RALY: variants seen among roughly 807,000 people sequenced by gnomAD.
RALY encodes the protein RALY heterogeneous nuclear ribonucleoprotein, also known as RNA-binding protein Raly.
In RALY, 15 loss-of-function variants were observed where a neutral mutation model predicts 30.7. The ratio of observed to expected loss-of-function variants is 0.49; its 90% CI spans 0.33 to 0.75. The LOEUF (loss-of-function observed/expected upper bound fraction) is 0.75. RALY is among the 30% of genes least tolerant of loss of function. The pLI is 0.02. For synonymous variants in RALY, 177 were observed against 170.8 expected, an observed-to-expected ratio of 1.04 and a Z score of -0.28; for missense variants, 339 against 414.3, an observed-to-expected ratio of 0.82 and a Z score of 1.58.
intron 2 of RALY, among the ~76,000 whole-genome samples, chr20:34,039,862 C>T (rs1000865360): frequency 6.6e-6 from 1 of 152,114 alleles, no homozygotes; most frequent in African/African-American, 2.4e-5. Context: ...CCTGTAATCC[C>T]AGCACTTTGG....
intron 1 of RALY, among the ~76,000 whole-genome samples, chr20:34,015,334 CCT>C (rs1491117621): frequency 3.3e-5 from 5 of 151,902 alleles, no homozygotes; most frequent in Admixed American, 1.3e-4. Context: ...AATATTTCCC[CCT>C]TTTTTTTTAA....
intron 2 of RALY, among the ~76,000 whole-genome samples, chr20:34,067,407 C>T (rs1409947861): frequency 6.6e-6 from 1 of 152,078 alleles, no homozygotes; most frequent in African/African-American, 2.4e-5. Context: ...CTCAAGTGAT[C>T]CACCTGCCTT....
At position 33,999,777 on chromosome 20, in the gene RALY, T is replaced by C. The variant is rs549283030; in HGVS notation, c.-93+5646T>C. Among the ~76,000 whole-genome samples, 9 of 151,530 alleles carry C rather than the reference T, an allele frequency of 5.9e-5. No individual in the cohort carries two copies. The South Asian group carries it at 1.9e-3, about 32-fold the overall frequency. ...TGGGGCAGGGCAGGGTAGGACAGGA[T>C]GGAGAGGGACCCGGAAGGGTTTCTA... On this transcript the variant is annotated intron_variant, in intron 1 of 9. Transcript: ENST00000246194.
intron 2 of RALY, among the ~76,000 whole-genome samples, chr20:34,067,244 G>A (rs912851413): frequency 6.6e-6 from 1 of 152,082 alleles, no homozygotes; most frequent in Non-Finnish European, 1.5e-5. Context: ...GCCTAGGCTG[G>A]AGTGCAGTGG....
intron 1 of RALY, among the ~76,000 whole-genome samples, chr20:34,010,312 T>G (rs2031345521): frequency 6.6e-6 from 1 of 152,176 alleles, no homozygotes; most frequent in Admixed American, 6.5e-5. Flanking sequence ...CACTGCACCC[T>G]CTACCTCCCG....
chr20:34,058,408 G>A (rs867142531), intron 2 of RALY, among the ~76,000 whole-genome samples: 9 of 152,146 alleles, frequency 5.9e-5, no homozygotes, highest in African/African-American at 2.2e-4. Flanking sequence ...GGGAGTGAGA[G>A]AGGGGTCAGG....
chr20:34,029,586 G>C, intron 1 of RALY, among the ~76,000 whole-genome samples: 1 of 151,898 alleles, frequency 6.6e-6, no homozygotes, highest in Non-Finnish European at 1.5e-5. Context: ...TGGGAATGGG[G>C]AAGAGAGAGA....
chr20:34,076,233 G>A lies in RALY; in HGVS notation c.544+193G>A, dbSNP rs1267035916. On this transcript the variant is annotated intron_variant, in intron 6 of 9. Coordinates refer to ENST00000246194, the MANE Select transcript of RALY (RefSeq NM_016732.3). ...GTTTTAGGAGGAGGGGTTGTGTTGG[G>A]CACAGAGAGTCCAGTGCTGGATATG... 8.2e-6 allele frequency: 6 copies of A among 732,626 alleles called. 1 individual carries two copies. The East Asian group carries it at 1.4e-4, about 17-fold the overall frequency. 45.4% of individuals were successfully genotyped at this position (732,626 alleles called of 1,614,324 possible). A position where few individuals can be genotyped will look rare whatever the true frequency, so the allele number is the denominator to read the frequency against.
chr20:34,078,544 C>G lies in RALY; in HGVS notation c.916C>G (p.Gln306Glu). ...QDTDADDGAL[Q>E] is the part of the protein sequence containing the mutation. ...CACAGACGCGGATGATGGGGCCTTG[C>G]AGTAAGCAGGTACAGGGGTCCTGTC... The change falls in exon 9 of 10, where the codon CAG (glutamine) becomes GAG (glutamate). Residue 306 changes from glutamine (Q) to glutamate (E), a missense_variant. Physicochemically the swap from Gln to Glu is conservative, Grantham distance 29 (BLOSUM62 2). Transcript: ENST00000246194. The G allele has an allele frequency of 1.3e-6, 2 of 1,586,644 alleles. No individual in the cohort carries two copies. The highest frequency in any genetic ancestry group is 1.2e-5 in the South Asian group (1 of 86,738).
chr20:34,011,663 G>C (rs1458315254), intron 1 of RALY, among the ~76,000 whole-genome samples: 1 of 152,220 alleles, frequency 6.6e-6, no homozygotes, highest in Non-Finnish European at 1.5e-5. Context: ...GTAGGAAACA[G>C]CTTCTATAAC....
At chr20:34,009,527 C>T (rs551893002) in intron 1 of RALY, among the ~76,000 whole-genome samples, 2 of 152,068 alleles carry the variant, frequency 1.3e-5, no homozygotes, top group Admixed American at 6.5e-5. Flanking sequence ...TGAGCCACCA[C>T]GCCCCAGCCT....
chr20:34,000,070 T>C (rs893586546), intron 1 of RALY, among the ~76,000 whole-genome samples: 9 of 152,194 alleles, frequency 5.9e-5, no homozygotes, highest in East Asian at 1.9e-4. Context: ...CTTGGTCTTA[T>C]TCAATTTTGG....
intron 1 of RALY, among the ~76,000 whole-genome samples, chr20:34,005,941 T>C (rs2031137224): frequency 6.6e-6 from 1 of 152,264 alleles, no homozygotes; most frequent in Non-Finnish European, 1.5e-5. Flanking sequence ...CATTTCTGTT[T>C]AATGCTGAAT....
chr20:34,065,488 G>C (rs551076362), intron 2 of RALY, among the ~76,000 whole-genome samples: 4 of 152,344 alleles, frequency 2.6e-5, no homozygotes, highest in South Asian at 4.1e-4. Flanking sequence ...TGACTCATGA[G>C]AGTGGGAATG....
chr20:34,035,972 C>T (rs954274002), intron 2 of RALY, among the ~76,000 whole-genome samples: 3 of 151,954 alleles, frequency 2.0e-5, no homozygotes, highest in East Asian at 1.9e-4. Context: ...TTCTAAGGAA[C>T]GAAAGGAGGC....
At chr20:34,049,007 C>T (rs1290065311) in intron 2 of RALY, 1 of 152,052 alleles carries the variant, frequency 6.6e-6, no homozygotes, top group East Asian at 1.9e-4. Context: ...AATACCTGAC[C>T]CAGTATTAGG....
At chr20:33,999,287 G>C (rs1475698253) in intron 1 of RALY, among the ~76,000 whole-genome samples, 2 of 152,108 alleles carry the variant, frequency 1.3e-5, no homozygotes, top group African/African-American at 4.8e-5. Flanking sequence ...GGAGAAGAAG[G>C]AGCACGTAAG....
At chr20:33,995,412 G>C (rs967041341) in intron 1 of RALY, among the ~76,000 whole-genome samples, 38 of 152,186 alleles carry the variant, frequency 2.5e-4, no homozygotes, top group Admixed American at 2.5e-3. Flanking sequence ...TAGTTTGATG[G>C]GGGTTAGGGG....
chr20:34,048,871 A>AAAAT (rs1555805742), intron 2 of RALY, among the ~76,000 whole-genome samples: 1 of 150,278 alleles, frequency 6.7e-6, no homozygotes, highest in South Asian at 2.1e-4. Context: ...AAAAAAAAAA[A>AAAAT]TTTTCTCTGC....
Sources: gnomAD v4.1 joint callset for allele counts (sites outside exome capture counted in the v4.1 genomes callset) on GRCh38, gnomAD v4.1.1 for gene constraint, MANE v1.5 for transcripts, NCBI Gene and HGNC (gene_info 2026-07-23, HGNC 2026-07-21) for gene names.